MEIKIN: variants seen among roughly 807,000 people sequenced by gnomAD.
MEIKIN encodes the protein meiotic kinetochore factor.
At chr5:131,885,364 AG>A (rs768767970) in intron 8 of MEIKIN, among the ~76,000 whole-genome samples, 21,329 of 63,050 alleles carry the variant, frequency 0.34, 4,557 homozygotes, top group East Asian at 0.56. Context: ...AGAGAGAGAG[AG>A]AGAGAGAGAG....
intron 11 of MEIKIN, among the ~76,000 whole-genome samples, chr5:131,848,223 T>C (rs1348929285): frequency 6.6e-6 from 1 of 151,520 alleles, no homozygotes; most frequent in African/African-American, 2.4e-5. Context: ...ATAAGGAAAA[T>C]CAATCAAACC....
In MEIKIN at chr5:131,874,807, G is replaced by A. The variant is rs1161460644; in HGVS notation, c.774+4171C>T. Among the ~76,000 whole-genome samples, 5 of 152,116 alleles carry A rather than the reference G, an allele frequency of 3.3e-5. No individual in the cohort carries two copies. The East Asian group carries it at 7.7e-4, about 23-fold the overall frequency. On this transcript the variant is annotated intron_variant, in intron 9 of 12. Transcript: ENST00000442687. Reference sequence around the variant, plus strand: ...AAAGCTTATCCACCATGATCAAGTGGGCTTCATCCCTGGGATGCAAGGCTG... The same window carrying A: ...AAAGCTTATCCACCATGATCAAGTGAGCTTCATCCCTGGGATGCAAGGCTG...
intron 9 of MEIKIN, among the ~76,000 whole-genome samples, chr5:131,860,285 T>G (rs1198543613): frequency 2.0e-5 from 3 of 151,654 alleles, no homozygotes; most frequent in Non-Finnish European, 4.4e-5. Flanking sequence ...GCCTAGTTTT[T>G]TTTTTTTTTT....
intron 4 of MEIKIN, among the ~76,000 whole-genome samples, chr5:131,937,577 T>C (rs1354238690): frequency 6.6e-6 from 1 of 152,032 alleles, no homozygotes; most frequent in Non-Finnish European, 1.5e-5. Context: ...ATGAGTAATA[T>C]ACCTTTCCAT....
intron 11 of MEIKIN, among the ~76,000 whole-genome samples, chr5:131,826,524 C>A (rs1184496485): frequency 6.6e-6 from 1 of 151,976 alleles, no homozygotes; most frequent in African/African-American, 2.4e-5. Flanking sequence ...TTAAATATAC[C>A]TCGTAAAATT....
At chr5:131,921,069 C>T (rs1035782691) in intron 6 of MEIKIN, among the ~76,000 whole-genome samples, 10 of 152,062 alleles carry the variant, frequency 6.6e-5, no homozygotes, top group African/African-American at 2.4e-4. Flanking sequence ...TACAAAATAA[C>T]ATCAGTAATC....
chr5:131,818,359 T>C (rs1370547343), intron 12 of MEIKIN, among the ~76,000 whole-genome samples: 1 of 152,222 alleles, frequency 6.6e-6, no homozygotes, highest in Non-Finnish European at 1.5e-5. Context: ...TTTCAAAAGA[T>C]AAAGTATCTG....
intron 8 of MEIKIN, among the ~76,000 whole-genome samples, chr5:131,885,767 C>T (rs1488518289): frequency 6.6e-6 from 1 of 152,168 alleles, no homozygotes; most frequent in African/African-American, 2.4e-5. Flanking sequence ...CATAACAGCT[C>T]AGCCACAGAG....
At chr5:131,845,534 A>G (rs752882730) in intron 11 of MEIKIN, among the ~76,000 whole-genome samples, 6 of 151,682 alleles carry the variant, frequency 4.0e-5, no homozygotes, top group Non-Finnish European at 7.4e-5. Context: ...GAACTAAAGG[A>G]AGATGTGAAA....
At chr5:131,833,768 G>C (rs1207101518) in intron 11 of MEIKIN, among the ~76,000 whole-genome samples, 1 of 152,134 alleles carries the variant, frequency 6.6e-6, no homozygotes, top group African/African-American at 2.4e-5. Context: ...TGGGAATTCT[G>C]AGACATACAA....
chr5:131,933,545 G>A lies in MEIKIN; in HGVS notation c.446C>T (p.Ser149Leu). Reference sequence around the variant, plus strand: ...ATCTGATTTTCTGAACAGTTCAGGTGATGGAAAGCTCTCTTCAAAACTCTT... The same window carrying A: ...ATCTGATTTTCTGAACAGTTCAGGTAATGGAAAGCTCTCTTCAAAACTCTT... ...EYKSFEESFP[S>L]PELFRKSDYL... The change falls in exon 5 of 13, where the codon TCA (serine) becomes TTA (leucine). Residue 149 changes from serine (S) to leucine (L), a missense_variant. By Grantham distance (145) the Ser-to-Leu change is moderately radical. Transcript: ENST00000442687. 1 of 398,902 alleles carries A rather than the reference G, an allele frequency of 2.5e-6. No homozygotes were observed. Among genetic ancestry groups the A allele is most frequent in the Non-Finnish European group, 4.4e-6 (1 of 225,994 alleles). The allele number at this position is 398,902 out of a possible 1,614,324, so 24.7% of individuals were successfully genotyped here.
intron 11 of MEIKIN, among the ~76,000 whole-genome samples, chr5:131,844,138 C>T (rs1749968878): frequency 6.6e-6 from 1 of 152,140 alleles, no homozygotes; most frequent in Non-Finnish European, 1.5e-5. Context: ...CATTCACTCA[C>T]TGTCACAAGA....
intron 9 of MEIKIN, among the ~76,000 whole-genome samples, chr5:131,865,402 G>A (rs974518109): frequency 1.1e-4 from 17 of 152,078 alleles, no homozygotes; most frequent in African/African-American, 4.1e-4. Context: ...TGTATTTTTA[G>A]TAGAGACAGG....
At chr5:131,924,672 G>GT (rs201895613) in intron 5 of MEIKIN, among the ~76,000 whole-genome samples, 122 of 149,464 alleles carry the variant, frequency 8.2e-4, no homozygotes, top group South Asian at 6.3e-3. Context: ...CAATCAGGTT[G>GT]TTTTTTTTGC....
intron 9 of MEIKIN, among the ~76,000 whole-genome samples, chr5:131,855,725 T>TGA (rs1292698403): frequency 6.6e-6 from 1 of 150,452 alleles, no homozygotes; most frequent in African/African-American, 2.4e-5. Context: ...GAGCAGAGAT[T>TGA]GAGAGAGAGA....
At chr5:131,843,477 G>T (rs1383815851) in intron 11 of MEIKIN, among the ~76,000 whole-genome samples, 1 of 152,206 alleles carries the variant, frequency 6.6e-6, no homozygotes, top group Non-Finnish European at 1.5e-5. Flanking sequence ...AACATAGGCT[G>T]TTAGAAGAAG....
chr5:131,867,545 C>T (rs1750404038), intron 9 of MEIKIN, among the ~76,000 whole-genome samples: 1 of 152,194 alleles, frequency 6.6e-6, no homozygotes, highest in South Asian at 2.1e-4. Context: ...TCCCTTCCTC[C>T]TAACCTCTGG....
chr5:131,837,231 G>C (rs555860168), intron 11 of MEIKIN, among the ~76,000 whole-genome samples: 17 of 151,988 alleles, frequency 1.1e-4, no homozygotes, highest in Middle Eastern at 3.4e-3. Context: ...TGGTCTATTC[G>C]TGCCAGTACA....
chr5:131,850,953 A>C (rs1750105632), intron 11 of MEIKIN, among the ~76,000 whole-genome samples: 1 of 152,266 alleles, frequency 6.6e-6, no homozygotes, highest in African/African-American at 2.4e-5. Flanking sequence ...GTCAAAAAAA[A>C]AGAAAGAAAA....
Sources: allele counts gnomAD v4.1 joint callset (sites outside exome capture counted in the v4.1 genomes callset), GRCh38; gene constraint gnomAD v4.1.1; transcripts MANE v1.5; gene names NCBI Gene and HGNC (gene_info 2026-07-23, HGNC 2026-07-21).